The following ASS1 variants were observed in gnomAD, a reference collection of about 807,000 sequenced individuals.
ASS1 encodes the protein argininosuccinate synthase.
Under a neutral mutation model 60.5 loss-of-function variants are expected in ASS1, and 58 were observed. The observed-to-expected ratio is 0.96, with a 90% CI of 0.78 to 1.19. ASS1 has a LOEUF of 1.19. ASS1 is among the 50% of genes most tolerant of loss of function. The pLI, the probability that ASS1 is intolerant of heterozygous loss-of-function variation, is 0.00. For missense variants in ASS1, 454 were observed against 547.3 expected, an observed-to-expected ratio of 0.83 and a Z score of 1.70; for synonymous variants, 200 against 206.9, an observed-to-expected ratio of 0.97 and a Z score of 0.29.
chr9:130,469,837 G>A (rs1845826970), intron 6 of ASS1, among the ~76,000 whole-genome samples: 1 of 152,224 alleles, frequency 6.6e-6, no homozygotes, highest in Non-Finnish European at 1.5e-5. Context: ...GATCCCATCA[G>A]GAGAGAGATG....
intron 11 of ASS1, among the ~76,000 whole-genome samples, chr9:130,485,608 C>T (rs970040096): frequency 2.0e-5 from 3 of 152,146 alleles, no homozygotes; most frequent in African/African-American, 7.2e-5. Context: ...TACCGGCCTA[C>T]CCAGGATGGC....
Position 130,501,235 on chromosome 9 carries a change from A to G in ASS1, c.*214A>G. On this transcript the variant is annotated 3_prime_UTR_variant, in exon 15 of 15. Transcript: ENST00000352480. The stretch of plus-strand genomic sequence containing the variant: ...GGGGGCAGCTGCGGTGGGGAGCTAT[A>G]AAAATGACAATTAAAAGAGACACTA... 1 of 577,800 alleles carries G rather than the reference A, an allele frequency of 1.7e-6. No individual in the cohort carries two copies. Among genetic ancestry groups the G allele is most frequent in the East Asian group, 3.0e-5 (1 of 33,466 alleles). 35.8% of individuals were successfully genotyped at this position (577,800 alleles called of 1,614,324 possible).
intron 12 of ASS1, among the ~76,000 whole-genome samples, chr9:130,490,955 G>A (rs1214602788): frequency 3.3e-5 from 5 of 152,192 alleles, no homozygotes; most frequent in African/African-American, 9.7e-5. Context: ...TCGGGGGCCT[G>A]GACGTCAGGG....
intron 5 of ASS1, among the ~76,000 whole-genome samples, chr9:130,465,852 C>T (rs970892934): frequency 3.3e-5 from 5 of 152,204 alleles, no homozygotes; most frequent in African/African-American, 4.8e-5. Context: ...CCAGCGAGGC[C>T]GCAGGACGGG....
chr9:130,474,211 G>A (rs958696941), intron 8 of ASS1, among the ~76,000 whole-genome samples: 24 of 152,100 alleles, frequency 1.6e-4, no homozygotes, highest in African/African-American at 5.1e-4. Flanking sequence ...TCGAGCCACC[G>A]CGGAATGCAA....
At position 130,479,108 on chromosome 9, in the gene ASS1, A is replaced by G. The variant is rs548262; in HGVS notation, c.689-608A>G. ...AACCCCGAACCCACCCACTGCCCCCACCCAACCCCTTCCCTCCTGCCACCC... is the reference window on the plus strand; with the variant it reads ...AACCCCGAACCCACCCACTGCCCCCGCCCAACCCCTTCCCTCCTGCCACCC... On this transcript the variant is annotated intron_variant, in intron 9 of 14. Transcript: ENST00000352480. 8.0e-5 allele frequency among the ~76,000 whole-genome samples: 12 copies of G among 150,892 alleles called. No individual in the cohort carries two copies. In the South Asian group the frequency reaches 1.7e-3, roughly 21 times the overall value.
At chr9:130,499,249 A>T (rs1424180970) in intron 13 of ASS1, among the ~76,000 whole-genome samples, 2 of 152,288 alleles carry the variant, frequency 1.3e-5, no homozygotes, top group African/African-American at 4.8e-5. Flanking sequence ...GCCTCCTGCC[A>T]CATTGTGTAG....
In ASS1 at chr9:130,471,525, CA is replaced by C. The variant is rs1845865918; in HGVS notation, c.597+13del. On this transcript the variant is annotated intron_variant, in intron 8 of 14. Coordinates refer to ENST00000352480, the MANE Select transcript of ASS1 (RefSeq NM_054012.4). Reference sequence around the variant, plus strand: ...CCTGGAGAACCCCAAGGTAATCCCCCAAACCCCATCTCCTCCCAGCTGGCCA... The same window carrying C: ...CCTGGAGAACCCCAAGGTAATCCCCCAACCCCATCTCCTCCCAGCTGGCCA... 6.2e-7 allele frequency: 1 copy of C among 1,613,668 alleles called. No homozygotes were observed.
rs1180483392 is a variant in ASS1 at position 130,471,701 on chromosome 9, G to A, written c.597+186G>A. On this transcript the variant is annotated intron_variant, in intron 8 of 14. Transcript: ENST00000352480. Reference sequence around the variant, plus strand: ...GCCCCCCTCTGCCCACCGTCTCCTCGCTGCATTTGAAGACCTCCCCCCGCC... The same window carrying A: ...GCCCCCCTCTGCCCACCGTCTCCTCACTGCATTTGAAGACCTCCCCCCGCC... 2.7e-5 allele frequency among the ~76,000 whole-genome samples: 4 copies of A among 150,652 alleles called. No individual in the cohort carries two copies. The East Asian group carries it at 5.8e-4, about 22-fold the overall frequency.
At chr9:130,472,301 T>A (rs549607746) in intron 8 of ASS1, among the ~76,000 whole-genome samples, 198 of 150,078 alleles carry the variant, frequency 1.3e-3, no homozygotes, top group Non-Finnish European at 2.4e-3. Flanking sequence ...CCCGGGGAGG[T>A]TTGGTGAAAT....
In ASS1 at chr9:130,494,915, A is replaced by T. The variant is rs538040998; in HGVS notation, c.1019A>T (p.Lys340Met). 1.2e-6 allele frequency: 2 copies of T among 1,613,590 alleles called. No homozygotes were observed. The highest frequency in any genetic ancestry group is 2.2e-5 in the South Asian group (2 of 91,058). The change falls in exon 13 of 15, where the codon AAG becomes ATG. Residue 340 changes from lysine to methionine, a missense_variant. Coordinates refer to ENST00000352480, the MANE Select transcript of ASS1 (RefSeq NM_054012.4). The surrounding 1 kb of genome is among the most constrained non-coding windows in gnomAD (Gnocchi z 4.3). ...ECEFVRHCIA[K>M]SQERVEGKVQ... ...GAATTTGTCCGCCACTGCATCGCCA[A>T]GTCCCAGGAGCGAGTGGAAGGGAAA...
intron 8 of ASS1, among the ~76,000 whole-genome samples, chr9:130,473,840 C>G (rs1050984570): frequency 2.0e-5 from 3 of 152,158 alleles, no homozygotes; most frequent in African/African-American, 7.2e-5. Flanking sequence ...TTCATACGGT[C>G]CACAGTGAAA....
chr9:130,476,269 G>A lies in ASS1; in HGVS notation c.598-602G>A, dbSNP rs148439043. The A allele has an allele frequency of 1.0e-3, 161 of 154,874 alleles. No individual in the cohort carries two copies. Among genetic ancestry groups the A allele is most frequent in the South Asian group, 0.01 (51 of 4,946 alleles). The allele number at this position is 154,874 out of a possible 1,614,324, so 9.6% of individuals were successfully genotyped here. On this transcript the variant is annotated intron_variant, in intron 8 of 14. Transcript: ENST00000352480. The surrounding 1 kb of genome is among the most constrained non-coding windows in gnomAD (Gnocchi z 4.9). ...GAATTTCGAGAGTTTCAGGCAACAC[G>A]CAGCCCCTCCACCACTGCATCAGAC...
Position 130,477,020 on chromosome 9 carries a change from C to T in ASS1, c.688+59C>T. On this transcript the variant is annotated intron_variant, in intron 9 of 14. Transcript: ENST00000352480. The surrounding 1 kb of genome is among the most constrained non-coding windows in gnomAD (Gnocchi z 4.2). ...TGACTTTTGGGGCCCTGGCTCCTTTCCCCTCCCTGCCTGGGAACCTAGGCC... is the reference window on the plus strand; with the variant it reads ...TGACTTTTGGGGCCCTGGCTCCTTTTCCCTCCCTGCCTGGGAACCTAGGCC... 1.3e-6 allele frequency: 2 copies of T among 1,531,046 alleles called. No homozygotes were observed. Among genetic ancestry groups the T allele is most frequent in the Non-Finnish European group, 1.8e-6 (2 of 1,105,588 alleles). The allele number at this position is 1,531,046 out of a possible 1,614,324, so 94.8% of individuals were successfully genotyped here.
At position 130,479,823 on chromosome 9, in the gene ASS1, G is replaced by A. The variant is rs146390729; in HGVS notation, c.773+23G>A. The A allele has an allele frequency of 2.6e-5, 41 of 1,607,656 alleles. No individual in the cohort carries two copies. In the East Asian group the frequency reaches 2.7e-4, roughly 10 times the overall value. ...CGCGTGAGTGTCTGCAGCCCTGTCC[G>A]GCCTCTTGGGAACCGCCGTCTCGGG... On this transcript the variant is annotated intron_variant, in intron 10 of 14. Coordinates refer to ENST00000352480, the MANE Select transcript of ASS1 (RefSeq NM_054012.4).
chr9:130,477,759 G>A lies in ASS1; in HGVS notation c.688+798G>A, dbSNP rs535925741. 1.8e-4 allele frequency among the ~76,000 whole-genome samples: 27 copies of A among 152,356 alleles called. No individual in the cohort carries two copies. Among genetic ancestry groups the A allele is most frequent in the African/African-American group, 5.8e-4 (24 of 41,584 alleles). On this transcript the variant is annotated intron_variant, in intron 9 of 14. Coordinates refer to ENST00000352480, the MANE Select transcript of ASS1 (RefSeq NM_054012.4). This position sits in a 1 kb window ranked among gnomAD's most constrained non-coding sequence, Gnocchi z 4.2. ...GTGATCAGGGAGGCTTCCTGGAGGA[G>A]GTGGTGCTGGGCACAGGGGCACCCA...
chr9:130,468,798 A>T (rs1845803478), intron 6 of ASS1, among the ~76,000 whole-genome samples: 1 of 152,080 alleles, frequency 6.6e-6, no homozygotes. Flanking sequence ...CCTGGCTATA[A>T]TTATTATTTT....
intron 5 of ASS1, chr9:130,466,424 T>C: frequency 2.1e-6 from 1 of 485,518 alleles, no homozygotes; most frequent in African/African-American, 2.0e-5. Flanking sequence ...CCCCGTCTAG[T>C]TCAAACTCTC....
Position 130,476,534 on chromosome 9 carries a change from C to A in ASS1, c.598-337C>A. On this transcript the variant is annotated intron_variant, in intron 8 of 14. Transcript: ENST00000352480. The surrounding 1 kb of genome is among the most constrained non-coding windows in gnomAD (Gnocchi z 4.9). ...GAGCGTGCGTGCCGCTCCTGGGAAG[C>A]CCTCGGAACGCCGCCTTGCTCCTCC... is the stretch of plus-strand genomic sequence containing the variant. 2.2e-6 allele frequency: 1 copy of A among 454,498 alleles called. No individual in the cohort carries two copies. The highest frequency in any genetic ancestry group is 4.1e-6 in the Non-Finnish European group (1 of 245,532). The allele number at this position is 454,498 out of a possible 1,614,324, so 28.2% of individuals were successfully genotyped here. A position where few individuals can be genotyped will look rare whatever the true frequency, so the allele number is the denominator to read the frequency against.
Sources: gnomAD v4.1 joint callset for allele counts (sites outside exome capture counted in the v4.1 genomes callset) on GRCh38, gnomAD v4.1.1 for gene constraint, Gnocchi (gnomAD v3.1) non-coding constraint, MANE v1.5 for transcripts, NCBI Gene and HGNC (gene_info 2026-07-23, HGNC 2026-07-21) for gene names.